The following SLC12A2 variants were observed in gnomAD, a reference collection of about 807,000 sequenced individuals.
SLC12A2 encodes solute carrier family 12 member 2, also known as Na-K-2Cl cotransporter 1.
Under a neutral mutation model 136.3 loss-of-function variants are expected in SLC12A2, and 67 were observed. The ratio of observed to expected loss-of-function variants is 0.49; its 90% CI spans 0.40 to 0.60. The LOEUF is 0.60. SLC12A2 is among the 20% of genes least tolerant of loss of function. SLC12A2 has a pLI of 0.00. For synonymous variants in SLC12A2, 619 were observed against 562.9 expected (o/e 1.10, Z -1.41); for missense variants, 1,322 against 1,534.7 (o/e 0.86, Z 2.32).
chr5:128,162,114 T>C (rs1469327581), intron 17 of SLC12A2, among the ~76,000 whole-genome samples: 1 of 152,190 alleles, frequency 6.6e-6, no homozygotes, highest in Non-Finnish European at 1.5e-5. Flanking sequence ...TATTGTCTTC[T>C]GATCCGTTTC....
intron 1 of SLC12A2, among the ~76,000 whole-genome samples, chr5:128,109,052 T>C (rs1048624376): frequency 6.6e-6 from 1 of 152,250 alleles, no homozygotes; most frequent in African/African-American, 2.4e-5. Context: ...GAATTCCTGG[T>C]TATCTTAAAA....
chr5:128,176,640 A>C (rs1032957087), intron 20 of SLC12A2, among the ~76,000 whole-genome samples: 8 of 151,968 alleles, frequency 5.3e-5, no homozygotes, highest in Admixed American at 5.3e-4. Flanking sequence ...TTAATATTTC[A>C]AGTGTGATTA....
At position 128,110,598 on chromosome 5, in the gene SLC12A2, C is replaced by T. The variant is rs901648019; in HGVS notation, c.757-2216C>T. 6.1e-5 allele frequency: 66 copies of T among 1,087,046 alleles called. No individual in the cohort carries two copies. In the African/African-American group the frequency reaches 7.4e-4, roughly 12 times the overall value. 67.3% of individuals were successfully genotyped at this position (1,087,046 alleles called of 1,614,324 possible). ...AGTATCAAATAAATATTGATGGCAT[C>T]GTAGCAGCTTATCACCTGCCATATT... is the stretch of plus-strand genomic sequence containing the variant. On this transcript the variant is annotated intron_variant, in intron 1 of 26. Coordinates refer to ENST00000262461, the MANE Select transcript of SLC12A2 (RefSeq NM_001046.3).
chr5:128,147,567 A>G, intron 10 of SLC12A2, 55 bp from the exon 11 acceptor site: 1 of 1,121,222 alleles, frequency 8.9e-7, no homozygotes, highest in South Asian at 1.3e-5. Flanking sequence ...ATATTGTGTT[A>G]TTTTCTGAAT....
At chr5:128,140,856 C>T (rs1762343159) in intron 9 of SLC12A2, among the ~76,000 whole-genome samples, 1 of 151,922 alleles carries the variant, frequency 6.6e-6, no homozygotes, top group Non-Finnish European at 1.5e-5. Context: ...GCAAGGACTG[C>T]TCTGAATGGT....
chr5:128,168,090 A>G (rs1763259462), intron 18 of SLC12A2: 2 of 337,928 alleles, frequency 5.9e-6, no homozygotes, highest in Non-Finnish European at 1.0e-5. Context: ...ATATATATAC[A>G]CACACACACA....
intron 4 of SLC12A2, among the ~76,000 whole-genome samples, chr5:128,116,390 TATAA>T (rs1561666529): frequency 3.2e-5 from 1 of 31,334 alleles, no homozygotes; most frequent in Admixed American, 3.9e-4. Flanking sequence ...AGTGTGTATA[TATAA>T]ATATATATAT....
intron 4 of SLC12A2, among the ~76,000 whole-genome samples, chr5:128,126,377 G>A (rs1396264273): frequency 1.3e-5 from 2 of 152,140 alleles, no homozygotes; most frequent in Non-Finnish European, 2.9e-5. Context: ...AAATCAGGCA[G>A]TAACAGATGC....
At chr5:128,095,673 A>T (rs1439068342) in intron 1 of SLC12A2, among the ~76,000 whole-genome samples, 1 of 151,696 alleles carries the variant, frequency 6.6e-6, no homozygotes, top group East Asian at 1.9e-4. Flanking sequence ...ACATTATGAA[A>T]TTTTTTTTGC....
In SLC12A2 at chr5:128,178,700, TA is replaced by T. The variant is rs1434559928; in HGVS notation, c.3100+13del. On this transcript the variant is annotated intron_variant, in intron 22 of 26. Transcript: ENST00000262461. ...TTTTTGATGATGGAGGTAAGGTTGT[TA>T]ATTTTTTTAAAATGATTTTAAATTT... 1 of 1,529,012 alleles carries T rather than the reference TA, an allele frequency of 6.5e-7. No homozygotes were observed. The highest frequency in any genetic ancestry group is 8.8e-7 in the Non-Finnish European group (1 of 1,140,782). The allele number at this position is 1,529,012 out of a possible 1,614,324, so 94.7% of individuals were successfully genotyped here. A position where few individuals can be genotyped will look rare whatever the true frequency, so the allele number is the denominator to read the frequency against.
intron 1 of SLC12A2, among the ~76,000 whole-genome samples, chr5:128,105,109 C>A (rs1760885368): frequency 6.6e-6 from 1 of 152,152 alleles, no homozygotes; most frequent in South Asian, 2.1e-4. Context: ...TCCATTTTGA[C>A]AGAAGTCACT....
At chr5:128,182,250 T>G (rs1411369367) in intron 23 of SLC12A2, among the ~76,000 whole-genome samples, 3 of 152,192 alleles carry the variant, frequency 2.0e-5, no homozygotes, top group Admixed American at 6.5e-5. Flanking sequence ...AATTGCTTTT[T>G]GTATATATGT....
intron 16 of SLC12A2, 43 bp downstream of exon 16, chr5:128,158,207 GTTTTAT>G: frequency 6.9e-7 from 1 of 1,459,654 alleles, no homozygotes; most frequent in Non-Finnish European, 9.5e-7. Flanking sequence ...TTTTTTTAAA[GTTTTAT>G]TTTAGGTTCA....
At chr5:128,141,108 A>G (rs1314925960) in intron 9 of SLC12A2, among the ~76,000 whole-genome samples, 1 of 152,150 alleles carries the variant, frequency 6.6e-6, no homozygotes, top group Admixed American at 6.5e-5. Context: ...TGCTTGTTTC[A>G]AGGTCACTTT....
intron 1 of SLC12A2, among the ~76,000 whole-genome samples, chr5:128,094,833 TTTAAA>T (rs1178932258): frequency 3.9e-5 from 6 of 152,270 alleles, no homozygotes; most frequent in East Asian, 1.9e-4. Flanking sequence ...TAAATTTAAC[TTTAAA>T]TTAACATTGT....
intron 5 of SLC12A2, among the ~76,000 whole-genome samples, chr5:128,132,254 G>A (rs1482361434): frequency 6.6e-6 from 1 of 152,040 alleles, no homozygotes; most frequent in East Asian, 1.9e-4. Context: ...AAGGTTGTAG[G>A]TGTCCTGGGA....
intron 13 of SLC12A2, among the ~76,000 whole-genome samples, chr5:128,150,321 A>G (rs1457688666): frequency 2.0e-5 from 3 of 150,492 alleles, no homozygotes; most frequent in African/African-American, 4.8e-5. Context: ...TTAATCTCTA[A>G]TTCTGATAAC....
At chr5:128,163,232 C>T (rs1248587492) in intron 17 of SLC12A2, among the ~76,000 whole-genome samples, 1 of 151,984 alleles carries the variant, frequency 6.6e-6, no homozygotes, top group Non-Finnish European at 1.5e-5. Context: ...GTGAAGAAGG[C>T]TATATGAAAC....
chr5:128,183,906 A>G (rs972547792), intron 24 of SLC12A2, among the ~76,000 whole-genome samples: 5 of 152,054 alleles, frequency 3.3e-5, no homozygotes, highest in Non-Finnish European at 5.9e-5. Flanking sequence ...TAAAAATGCA[A>G]TTTATTACAG....
Sources: gnomAD v4.1 joint callset for allele counts (sites outside exome capture counted in the v4.1 genomes callset) on GRCh38, gnomAD v4.1.1 for gene constraint, MANE v1.5 for transcripts, NCBI Gene and HGNC (gene_info 2026-07-23, HGNC 2026-07-21) for gene names.